Variants in SATL1 observed in about 807,000 individuals in gnomAD.
SATL1 encodes the protein spermidine/spermine N1-acetyl transferase like 1, also known as spermidine/spermine N(1)-acetyltransferase-like protein 1.
Under a neutral mutation model 51.8 loss-of-function variants are expected in SATL1, and 47 were observed. That is an observed-to-expected ratio of 0.91 (90% CI 0.72 to 1.16). The LOEUF (loss-of-function observed/expected upper bound fraction) is 1.16. Among genes scored for constraint, SATL1 ranks in the 50% most tolerant of loss-of-function variants. The pLI is 0.00. For missense variants in SATL1, 520 were observed against 526.4 expected (o/e 0.99, Z 0.12); for synonymous variants, 176 against 182.4 (o/e 0.97, Z 0.28).
chrX:85,214,573 C>T (rs1235204211), intron 2 of SATL1, among the ~76,000 whole-genome samples: 2 of 111,355 alleles, frequency 1.8e-5, no homozygotes, highest in Non-Finnish European at 3.8e-5. Context: ...CAATAGTTCC[C>T]GAAAACTTTA....
In SATL1 at chrX:85,148,376, G is replaced by A. The variant is rs750960435; in HGVS notation, c.-312-39096C>T. On this transcript the variant is annotated intron_variant, in intron 2 of 7. Coordinates refer to ENST00000644105, the MANE Select transcript of SATL1 (RefSeq NM_001367857.2). ...AAAGTGACGGGGAGAATGGAACCAA[G>A]TTGGAAAACACTCTGCAGGATATTA... 1.4e-3 allele frequency among the ~76,000 whole-genome samples: 159 copies of A among 109,836 alleles called. 1 individual carries two copies. The highest frequency in any genetic ancestry group is 5.1e-3 in the African/African-American group (155 of 30,256).
chrX:85,217,007 T>C (rs771907886), intron 2 of SATL1, among the ~76,000 whole-genome samples: 1 of 112,290 alleles, frequency 8.9e-6, no homozygotes, highest in African/African-American at 3.2e-5. Flanking sequence ...TTGAGGAATG[T>C]AACTTTTTCA....
At chrX:85,128,580 T>C (rs2147704991) in intron 2 of SATL1, among the ~76,000 whole-genome samples, 1 of 112,443 alleles carries the variant, frequency 8.9e-6, no homozygotes, top group African/African-American at 3.2e-5. Context: ...GCAAAAATTT[T>C]CTCCCATTCT....
intron 2 of SATL1, among the ~76,000 whole-genome samples, chrX:85,122,033 A>C (rs1179172350): frequency 9.2e-6 from 1 of 109,282 alleles, no homozygotes; most frequent in Non-Finnish European, 1.9e-5. Context: ...TAAAAAAAAA[A>C]AAACCCTCAA....
At chrX:85,166,174 C>T (rs184958766) in intron 2 of SATL1, among the ~76,000 whole-genome samples, 37 of 111,573 alleles carry the variant, frequency 3.3e-4, no homozygotes, top group African/African-American at 1.0e-3. Flanking sequence ...CACAAAAATT[C>T]TAGAAGATAA....
At chrX:85,095,017 T>G in intron 4 of SATL1, 21 bp from the exon 5 acceptor site, 1 of 917,432 alleles carries the variant, frequency 1.1e-6, no homozygotes. Context: ...AATTCATATA[T>G]AGGATGTCAG....
At chrX:85,142,812 C>A (rs994739288) in intron 2 of SATL1, 3 of 112,057 alleles carry the variant, frequency 2.7e-5, no homozygotes, top group South Asian at 7.4e-4. Context: ...GGTATCCCAA[C>A]TGGATTACAT....
At chrX:85,222,398 T>C (rs1429718369) in intron 2 of SATL1, among the ~76,000 whole-genome samples, 1 of 112,023 alleles carries the variant, frequency 8.9e-6, no homozygotes, top group Non-Finnish European at 1.9e-5. Context: ...CAAAGGTTTC[T>C]TCCGTAGGTG....
At chrX:85,134,855 T>C (rs1925910230) in intron 2 of SATL1, among the ~76,000 whole-genome samples, 1 of 111,498 alleles carries the variant, frequency 9.0e-6, no homozygotes, top group Admixed American at 9.6e-5. Flanking sequence ...AGCTAGATCT[T>C]GAAAGGACTT....
At chrX:85,102,640 G>A (rs1481656792) in intron 4 of SATL1, among the ~76,000 whole-genome samples, 2 of 110,961 alleles carry the variant, frequency 1.8e-5, no homozygotes, top group Non-Finnish European at 1.9e-5. Context: ...AGTATACAAA[G>A]TATTTTGTTG....
At chrX:85,182,374 A>G (rs889910759) in intron 2 of SATL1, among the ~76,000 whole-genome samples, 5 of 111,698 alleles carry the variant, frequency 4.5e-5, no homozygotes, top group African/African-American at 1.3e-4. Context: ...TATTTCATTA[A>G]CATAATGTTC....
At chrX:85,137,086 C>T (rs976288019) in intron 2 of SATL1, among the ~76,000 whole-genome samples, 7 of 111,102 alleles carry the variant, frequency 6.3e-5, no homozygotes, top group Non-Finnish European at 9.4e-5. Flanking sequence ...GGCAGAAAAG[C>T]GTGGGCTCAG....
At chrX:85,115,374 C>A (rs1196581474) in intron 2 of SATL1, among the ~76,000 whole-genome samples, 2 of 112,669 alleles carry the variant, frequency 1.8e-5, no homozygotes, top group Non-Finnish European at 3.8e-5. Context: ...GGCCCTGTGG[C>A]ATAACAGGAA....
intron 2 of SATL1, among the ~76,000 whole-genome samples, chrX:85,181,670 G>T (rs1186796140): frequency 2.7e-5 from 3 of 110,931 alleles, no homozygotes; most frequent in African/African-American, 6.5e-5. Flanking sequence ...TACATCTATG[G>T]GTTTGGCTAG....
chrX:85,123,708 G>T (rs1345945049), intron 2 of SATL1, among the ~76,000 whole-genome samples: 1 of 111,610 alleles, frequency 9.0e-6, no homozygotes, highest in East Asian at 2.8e-4. Context: ...AACTCTGCAT[G>T]ACCCTTTGAA....
At chrX:85,179,564 C>T (rs1263096558) in intron 2 of SATL1, among the ~76,000 whole-genome samples, 3 of 111,097 alleles carry the variant, frequency 2.7e-5, no homozygotes, top group Non-Finnish European at 5.7e-5. Flanking sequence ...TCCCAATCAA[C>T]TGTCCATTCA....
At position 85,107,864 on chromosome X, in the gene SATL1, C is replaced by T; in HGVS notation, c.1105G>A (p.Ala369Thr). The change falls in exon 3 of 8, where the codon GCA becomes ACA. Residue 369 changes from alanine (A) to threonine (T), a missense_variant. This residue lies in a region of SATL1 where 488 missense variants were observed against 474.3 expected (regional missense o/e 1.03). Coordinates refer to ENST00000644105, the MANE Select transcript of SATL1 (RefSeq NM_001367857.2). ...CTTATACCTGATTGGTTTGTGCCTG[C>T]TTGGCTCGTGCTTGATTGTCTGGGG... ...SGPRQSSTSQ[A>T]GTNQSGISQP... 8.3e-7 allele frequency: 1 copy of T among 1,211,244 alleles called. No homozygotes were observed. Among genetic ancestry groups the T allele is most frequent in the Non-Finnish European group, 1.1e-6 (1 of 895,441 alleles).
In SATL1 at chrX:85,136,902, T is replaced by C. The variant is rs148644723; in HGVS notation, c.-312-27622A>G. Among the ~76,000 whole-genome samples the C allele has an allele frequency of 4.5e-5, 5 of 111,858 alleles. No homozygotes were observed. The East Asian group carries it at 1.4e-3, about 31-fold the overall frequency. Reference sequence around the variant, plus strand: ...ATTACTCTTCCAACAGGCTGTGCTATAAAGAAAAGGCAATAAATAGTGATA... The same window carrying C: ...ATTACTCTTCCAACAGGCTGTGCTACAAAGAAAAGGCAATAAATAGTGATA... On this transcript the variant is annotated intron_variant, in intron 2 of 7. Transcript: ENST00000644105.
In SATL1 at chrX:85,160,916, C is replaced by T. The variant is rs146334662; in HGVS notation, c.-312-51636G>A. 6.6e-3 allele frequency among the ~76,000 whole-genome samples: 738 copies of T among 111,385 alleles called. 2 individuals are homozygous for T. The highest frequency in any genetic ancestry group is 9.5e-3 in the Non-Finnish European group (504 of 53,026). The stretch of plus-strand genomic sequence containing the variant: ...AAATGAAAGAAAAAAATCTTAAAGG[C>T]AGCTGGAGAGAAAGGTCAGGCCACG... On this transcript the variant is annotated intron_variant, in intron 2 of 7. Transcript: ENST00000644105.
Sources: allele counts gnomAD v4.1 joint callset (sites outside exome capture counted in the v4.1 genomes callset), GRCh38; gene constraint gnomAD v4.1.1; regional missense constraint gnomAD v4.1.1; transcripts MANE v1.5; gene names NCBI Gene and HGNC (gene_info 2026-07-23, HGNC 2026-07-21).